Variants in ZNF385D observed in about 807,000 individuals in gnomAD.
The protein encoded by ZNF385D is zinc finger protein 659.
Under a neutral mutation model 35.8 loss-of-function variants are expected in ZNF385D, and 15 were observed. The ratio of observed to expected loss-of-function variants is 0.42; its 90% confidence interval spans 0.28 to 0.64. The LOEUF is 0.64. Ranked by LOEUF, ZNF385D falls within the 30% of genes least tolerant of loss-of-function variation. The pLI is 0.23. For synonymous variants in ZNF385D, 212 were observed against 186.8 expected (o/e 1.13, Z -1.10); for missense variants, 474 against 494.6 (o/e 0.96, Z 0.39).
chr3:21,717,260 A>C (rs1300772723), intron 1 of ZNF385D, among the ~76,000 whole-genome samples: 1 of 152,204 alleles, frequency 6.6e-6, no homozygotes, highest in Non-Finnish European at 1.5e-5. Context: ...TATGCCTTTA[A>C]CTAAGTTCTC....
At chr3:22,028,783 T>G (rs538422847) in intron 3 of ZNF385D, among the ~76,000 whole-genome samples, 33 of 152,338 alleles carry the variant, frequency 2.2e-4, no homozygotes, top group African/African-American at 7.9e-4. Flanking sequence ...GGTCTTCCCA[T>G]GTTCCCCATC....
intron 2 of ZNF385D, among the ~76,000 whole-genome samples, chr3:21,569,176 A>T (rs2063246315): frequency 6.6e-6 from 1 of 151,536 alleles, no homozygotes. Context: ...AAAGTCTCCC[A>T]TTATTATTGT....
At chr3:22,348,449 A>G (rs1437660255) in intron 2 of ZNF385D, among the ~76,000 whole-genome samples, 2 of 146,700 alleles carry the variant, frequency 1.4e-5, no homozygotes, top group African/African-American at 5.2e-5. Flanking sequence ...GGAGTTCAAG[A>G]CCAGCCTGAC....
In ZNF385D at chr3:21,818,769, A is replaced by C. The variant is rs138466770; in HGVS notation, c.326-153741T>G. The stretch of plus-strand genomic sequence containing the variant: ...GGTAGGTAATGAACATTCATTATCC[A>C]AATATATTTTTGTATTTTTTAATAT... On this transcript the variant is annotated intron_variant, in intron 3 of 5. Coordinates refer to the ZNF385D transcript ENST00000494108. 2.9e-3 allele frequency among the ~76,000 whole-genome samples: 443 copies of C among 152,178 alleles called. 2 individuals carry two copies. The highest frequency in any genetic ancestry group is 0.01 in the African/African-American group (416 of 41,568).
chr3:22,043,091 C>T (rs1282412505), intron 3 of ZNF385D, among the ~76,000 whole-genome samples: 1 of 152,116 alleles, frequency 6.6e-6, no homozygotes, highest in Non-Finnish European at 1.5e-5. Flanking sequence ...ACATTTTTTC[C>T]ACTCAGAGAA....
intron 2 of ZNF385D, among the ~76,000 whole-genome samples, chr3:22,197,364 T>C (rs937416665): frequency 2.6e-5 from 4 of 152,056 alleles, no homozygotes; most frequent in African/African-American, 9.6e-5. Context: ...TTTTCCTGTA[T>C]TTTTCCATAT....
intron 2 of ZNF385D, among the ~76,000 whole-genome samples, chr3:22,222,443 T>A (rs920269623): frequency 1.3e-5 from 2 of 152,204 alleles, no homozygotes; most frequent in African/African-American, 4.8e-5. Flanking sequence ...GTCAAAGATA[T>A]TCACATTAAA....
chr3:21,849,764 T>G (rs114873712), intron 3 of ZNF385D: 1 of 151,972 alleles, frequency 6.6e-6, no homozygotes, highest in South Asian at 2.1e-4. Flanking sequence ...TTGAATATTA[T>G]TGAGTAGAGG....
At chr3:21,427,051 G>A (rs1242834887) in intron 5 of ZNF385D, among the ~76,000 whole-genome samples, 2 of 152,166 alleles carry the variant, frequency 1.3e-5, no homozygotes, top group Non-Finnish European at 2.9e-5. Context: ...TGGAACCAGA[G>A]AACTGCTCCA....
intron 4 of ZNF385D, among the ~76,000 whole-genome samples, chr3:21,454,861 G>T (rs903711484): frequency 3.3e-5 from 5 of 151,946 alleles, no homozygotes; most frequent in South Asian, 2.1e-4. Context: ...GCCCAAAATC[G>T]CCTTAAGCTG....
At chr3:22,224,955 T>G (rs1278306876) in intron 2 of ZNF385D, among the ~76,000 whole-genome samples, 4 of 152,142 alleles carry the variant, frequency 2.6e-5, no homozygotes, top group Non-Finnish European at 5.9e-5. Context: ...ATAAAACATA[T>G]AATCAGAACA....
chr3:21,550,639 T>G (rs1405418694), intron 3 of ZNF385D, among the ~76,000 whole-genome samples: 9 of 152,098 alleles, frequency 5.9e-5, no homozygotes. Flanking sequence ...CGTGCCACCA[T>G]GCCCAACTAA....
At chr3:21,706,310 T>A (rs1240857505) in intron 1 of ZNF385D, among the ~76,000 whole-genome samples, 2 of 152,036 alleles carry the variant, frequency 1.3e-5, no homozygotes, top group Non-Finnish European at 2.9e-5. Flanking sequence ...AGTTCACATA[T>A]CATACAAATC....
intron 3 of ZNF385D, among the ~76,000 whole-genome samples, chr3:21,525,250 T>C (rs1019104568): frequency 2.6e-5 from 4 of 152,200 alleles, no homozygotes; most frequent in African/African-American, 9.7e-5. Flanking sequence ...TAATTTTCAG[T>C]TTTTAAATTG....
intron 3 of ZNF385D, among the ~76,000 whole-genome samples, chr3:22,030,551 A>T (rs1016700986): frequency 6.6e-6 from 1 of 150,988 alleles, no homozygotes; most frequent in African/African-American, 2.4e-5. Context: ...ATCTTGGGAA[A>T]CCTCCCTCAG....
intron 3 of ZNF385D, among the ~76,000 whole-genome samples, chr3:21,775,986 G>A (rs1394743051): frequency 6.6e-6 from 1 of 151,526 alleles, no homozygotes. Context: ...CAATTATATA[G>A]TTTAATATAT....
chr3:21,843,008 G>C (rs779758406), intron 3 of ZNF385D, among the ~76,000 whole-genome samples: 6 of 151,962 alleles, frequency 3.9e-5, no homozygotes, highest in Non-Finnish European at 5.9e-5. Flanking sequence ...GCAAAAGCTT[G>C]GTCCTTATTT....
intron 1 of ZNF385D, among the ~76,000 whole-genome samples, chr3:21,693,723 G>A (rs2067360263): frequency 6.6e-6 from 1 of 151,948 alleles, no homozygotes; most frequent in African/African-American, 2.4e-5. Flanking sequence ...GTTTTTAAAC[G>A]TGTTTCATAG....
Position 21,663,004 on chromosome 3 carries a change from C to T in ZNF385D, c.165+1882G>A, listed in dbSNP as rs184114318. Among the ~76,000 whole-genome samples, 23 of 152,262 alleles carry T rather than the reference C, an allele frequency of 1.5e-4. No homozygotes were observed. In the East Asian group the frequency reaches 2.7e-3, roughly 18 times the overall value. ...TTATGTGGATGAAGACTTGATGACA[C>T]ATGGGAGTTTTGTGACCCTTCCAAG... On this transcript the variant is annotated intron_variant, in intron 2 of 7. Transcript: ENST00000281523.
Sources: gnomAD v4.1 joint callset for allele counts (sites outside exome capture counted in the v4.1 genomes callset) on GRCh38, gnomAD v4.1.1 for gene constraint, MANE v1.5 for transcripts, NCBI Gene and HGNC (gene_info 2026-07-23, HGNC 2026-07-21) for gene names.